Variants in GRID2IP observed in about 807,000 individuals in gnomAD.
GRID2IP encodes the protein delphilin.
Under a neutral mutation model 114.3 loss-of-function variants are expected in GRID2IP, and 78 were observed. That is an observed-to-expected ratio of 0.68 (90% CI 0.57 to 0.82). The LOEUF (loss-of-function observed/expected upper bound fraction) is 0.82, where lower values mean the gene tolerates loss of function less well. Among genes scored for constraint, GRID2IP ranks in the 40% least tolerant of loss-of-function variants. GRID2IP has a pLI of 0.00. For synonymous variants in GRID2IP, 809 were observed against 724.0 expected, an observed-to-expected ratio of 1.12 and a Z score of -1.89; for missense variants, 1,727 against 1,678.5, an observed-to-expected ratio of 1.03 and a Z score of -0.51.
In GRID2IP at chr7:6,503,611, C is replaced by G; in HGVS notation, c.2787G>C (p.Leu929=). The change falls in exon 16 of 22, where the codon CTG becomes CTC. Residue 929 remains leucine (L), a synonymous_variant. Coordinates refer to ENST00000457091, the MANE Select transcript of GRID2IP (RefSeq NM_001145118.2). Reference sequence around the variant, plus strand: ...GCAGCTGCGCGAGATGTGCGGGCTCCAGGCGCCGGGGCTCCATGCTCATCA... The same window carrying G: ...GCAGCTGCGCGAGATGTGCGGGCTCGAGGCGCCGGGGCTCCATGCTCATCA... ...QVLMSMEPRR[L]EPAHLAQLLL... 6.5e-7 allele frequency: 1 copy of G among 1,529,120 alleles called. No individual in the cohort carries two copies. Among genetic ancestry groups the G allele is most frequent in the South Asian group, 1.2e-5 (1 of 83,470 alleles). 94.7% of individuals were successfully genotyped at this position (1,529,120 alleles called of 1,614,324 possible). A position where few individuals can be genotyped will look rare whatever the true frequency, so the allele number is the denominator to read the frequency against.
At chr7:6,503,822 G>A (rs1326476865) in intron 15 of GRID2IP, 135 bp from the exon 16 acceptor site, 9 of 615,656 alleles carry the variant, frequency 1.5e-5, no homozygotes, top group African/African-American at 9.9e-5. Flanking sequence ...GGGGCCTTGA[G>A]GCTGGAAGGA....
chr7:6,498,262 G>A (rs761469260), intron 20 of GRID2IP, 34 bp from the exon 21 acceptor site: 46 of 1,509,862 alleles, frequency 3.0e-5, no homozygotes, highest in East Asian at 1.5e-4. Flanking sequence ...CAGCCAGCCC[G>A]CTTGTGCCCC....
chr7:6,534,071 T>G lies in GRID2IP; in HGVS notation c.584+5647A>C, dbSNP rs1779682934. ...TCAACTCACCTTTCCTGCTTTCAGT[T>G]GGCCAAGTTCATTTACATGGTTTCC... On this transcript the variant is annotated intron_variant, in intron 2 of 21. Coordinates refer to ENST00000457091, the MANE Select transcript of GRID2IP (RefSeq NM_001145118.2). The surrounding 1 kb of genome is among the most constrained non-coding windows in gnomAD (Gnocchi z 4.5). Among the ~76,000 whole-genome samples the G allele has an allele frequency of 6.6e-6, 1 of 152,170 alleles. No individual in the cohort carries two copies. Among genetic ancestry groups the G allele is most frequent in the African/African-American group, 2.4e-5 (1 of 41,446 alleles).
In GRID2IP at chr7:6,519,306, C is replaced by A. The variant is rs1223067695; in HGVS notation, c.1268+1272G>T. On this transcript the variant is annotated intron_variant, in intron 7 of 21. Transcript: ENST00000457091. This position sits in a 1 kb window ranked among gnomAD's most constrained non-coding sequence, Gnocchi z 4.1. ...ACCACTGAATTGTATAATTAAATGG[C>A]AAATTGTATAGTATGTGAATTACAT... Among the ~76,000 whole-genome samples, 1 of 152,080 alleles carries A rather than the reference C, an allele frequency of 6.6e-6. No homozygotes were observed. The highest frequency in any genetic ancestry group is 2.4e-5 in the African/African-American group (1 of 41,402).
At chr7:6,546,111 A>T (rs1251532647) in intron 1 of GRID2IP, among the ~76,000 whole-genome samples, 1 of 151,776 alleles carries the variant, frequency 6.6e-6, no homozygotes, top group Non-Finnish European at 1.5e-5. Flanking sequence ...CACTTCAAGG[A>T]GGAAAAACTG....
At position 6,502,012 on chromosome 7, in the gene GRID2IP, G is replaced by T. The variant is rs1420061901; in HGVS notation, c.3257C>A (p.Pro1086His). ...ACCTTTGGCAGCCAGGGGCACGGTG[G>T]GCAGGTCCTGAGCAAAGCCCAGGAG... is the stretch of plus-strand genomic sequence containing the variant. ...PELLGFAQDL[P>H]TVPLAAKVNQ... Residue 1086 changes from proline (P) to histidine (H), a missense_variant, in exon 19 of 22, where the codon CCC becomes CAC. Coordinates refer to ENST00000457091, the MANE Select transcript of GRID2IP (RefSeq NM_001145118.2). 1.3e-6 allele frequency: 2 copies of T among 1,551,290 alleles called. No individual in the cohort carries two copies. Among genetic ancestry groups the T allele is most frequent in the Non-Finnish European group, 1.7e-6 (2 of 1,146,948 alleles).
Position 6,506,721 on chromosome 7 carries a change from C to G in GRID2IP, c.2545-814G>C, listed in dbSNP as rs190489684. Among the ~76,000 whole-genome samples the G allele has an allele frequency of 1.3e-5, 2 of 148,496 alleles. No individual in the cohort carries two copies. Among genetic ancestry groups the G allele is most frequent in the Non-Finnish European group, 3.0e-5 (2 of 67,454 alleles). ...TTTTTAGATAGGGTCTCACTCTGTA[C>G]CCCAGGCTGGAGTGCAGTGGTGCCA... On this transcript the variant is annotated intron_variant, in intron 13 of 21. Transcript: ENST00000457091. This position sits in a 1 kb window ranked among gnomAD's most constrained non-coding sequence, Gnocchi z 5.2.
rs1283301472 is a variant in GRID2IP, at chr7:6,537,271, C to T, written c.584+2447G>A. Reference sequence around the variant, plus strand: ...AAATAAACTGAGAGCAGGCCGGGCACGGTGGCTCACGCCTGTAATCCCAGC... The same window carrying T: ...AAATAAACTGAGAGCAGGCCGGGCATGGTGGCTCACGCCTGTAATCCCAGC... On this transcript the variant is annotated intron_variant, in intron 2 of 21. Transcript: ENST00000457091. Among the ~76,000 whole-genome samples the T allele has an allele frequency of 2.7e-5, 4 of 150,156 alleles. No homozygotes were observed. The East Asian group carries it at 8.0e-4, about 30-fold the overall frequency.
chr7:6,537,438 C>G (rs542787919), intron 2 of GRID2IP, among the ~76,000 whole-genome samples: 1 of 118,306 alleles, frequency 8.5e-6, no homozygotes, highest in Non-Finnish European at 1.6e-5. Flanking sequence ...AGTGCAGTGT[C>G]GTGATCTCAG....
At chr7:6,511,671 C>A (rs775296014) in intron 8 of GRID2IP, among the ~76,000 whole-genome samples, 2 of 152,020 alleles carry the variant, frequency 1.3e-5, no homozygotes, top group Non-Finnish European at 2.9e-5. Context: ...CTGCTCCCGG[C>A]CAAAATAGAA....
At position 6,551,181 on chromosome 7, in the gene GRID2IP, C is replaced by G. The variant is rs1473727423; in HGVS notation, c.256G>C (p.Asp86His). 1 of 1,380,388 alleles carries G rather than the reference C, an allele frequency of 7.2e-7. No homozygotes were observed. Among genetic ancestry groups the G allele is most frequent in the Non-Finnish European group, 9.3e-7 (1 of 1,076,306 alleles). The allele number at this position is 1,380,388 out of a possible 1,614,324, so 85.5% of individuals were successfully genotyped here. The part of the protein sequence containing the change: ...PPSLGVLPAP[D>H]GGPGPGSGPA... ...CCGGATCCTGGGCCGGGGCCACCGT[C>G]GGGAGCCGGGAGCACGCCCAGACTG... Residue 86 changes from aspartate to histidine, a missense_variant, in exon 1 of 22, where the codon GAC (aspartate) becomes CAC (histidine). Asp to His is a moderately conservative substitution (Grantham distance 81). Coordinates refer to ENST00000457091, the MANE Select transcript of GRID2IP (RefSeq NM_001145118.2).
intron 4 of GRID2IP, among the ~76,000 whole-genome samples, chr7:6,524,641 G>A (rs993728857): frequency 1.3e-5 from 2 of 152,070 alleles, no homozygotes; most frequent in East Asian, 4.0e-4. Flanking sequence ...GATCCCTTAA[G>A]CCCAGGAGTT....
intron 8 of GRID2IP, among the ~76,000 whole-genome samples, chr7:6,511,735 G>T (rs1029698225): frequency 1.3e-5 from 2 of 152,148 alleles, no homozygotes; most frequent in Admixed American, 1.3e-4. Context: ...CATGGATCCT[G>T]AGCTTCTCGC....
At position 6,510,921 on chromosome 7, in the gene GRID2IP, G is replaced by C; in HGVS notation, c.1542C>G (p.Ala514=). 1 of 1,549,502 alleles carries C rather than the reference G, an allele frequency of 6.5e-7. No homozygotes were observed. The highest frequency in any genetic ancestry group is 8.7e-7 in the Non-Finnish European group (1 of 1,145,882). ...CACCAGCCTTACCGCAGCTGAGGCC[G>C]GCCTCCAGGCCCTGGGACCGGAGGC... is the stretch of plus-strand genomic sequence containing the variant. ...RRSLRSQGLE[A]GLSCGPSECP... Residue 514 remains alanine, a synonymous_variant, in exon 9 of 22, where the codon GCC becomes GCG. Coordinates refer to ENST00000457091, the MANE Select transcript of GRID2IP (RefSeq NM_001145118.2).
chr7:6,544,858 G>T (rs949584201), intron 1 of GRID2IP, among the ~76,000 whole-genome samples: 17 of 151,874 alleles, frequency 1.1e-4, no homozygotes, highest in Non-Finnish European at 1.2e-4. Flanking sequence ...GAGGCAGGCG[G>T]ATCACAAGGT....
At chr7:6,537,007 G>A in intron 2 of GRID2IP, 1 of 476,188 alleles carries the variant, frequency 2.1e-6, no homozygotes, top group Non-Finnish European at 3.8e-6. Context: ...GGCAGCAAGG[G>A]GAGGGGGCGG....
chr7:6,503,933 GA>G (rs1188348213), intron 15 of GRID2IP, among the ~76,000 whole-genome samples: 1 of 147,546 alleles, frequency 6.8e-6, no homozygotes, highest in African/African-American at 2.5e-5. Flanking sequence ...AAGAAAAAAG[GA>G]AAGGGGGCGG....
Position 6,526,208 on chromosome 7 carries a change from C to T in GRID2IP, c.919+16G>A. 3 of 1,549,998 alleles carry T rather than the reference C, an allele frequency of 1.9e-6. No individual in the cohort carries two copies. The highest frequency in any genetic ancestry group is 2.6e-6 in the Non-Finnish European group (3 of 1,145,544). ...TGGGCCTTAGGGACTCTTAGGGCAACCGGCCCACCCCTCACCAGGCAGGAC... is the reference window on the plus strand; with the variant it reads ...TGGGCCTTAGGGACTCTTAGGGCAATCGGCCCACCCCTCACCAGGCAGGAC... On this transcript the variant is annotated intron_variant, in intron 4 of 21. Transcript: ENST00000457091. The surrounding 1 kb of genome is among the most constrained non-coding windows in gnomAD (Gnocchi z 7.6).
chr7:6,504,299 G>A (rs1583333215), intron 15 of GRID2IP, among the ~76,000 whole-genome samples: 1 of 151,642 alleles, frequency 6.6e-6, no homozygotes, highest in Admixed American at 6.6e-5. Context: ...GGGCCCAGCA[G>A]GGAGAGGGCG....
Sources: gnomAD v4.1 joint callset for allele counts (sites outside exome capture counted in the v4.1 genomes callset) on GRCh38, gnomAD v4.1.1 for gene constraint, Gnocchi (gnomAD v3.1) non-coding constraint, MANE v1.5 for transcripts, NCBI Gene and HGNC (gene_info 2026-07-23, HGNC 2026-07-21) for gene names.